Variants in RAPGEF5 observed in about 807,000 individuals in gnomAD.
The protein encoded by RAPGEF5 is Rap guanine nucleotide exchange factor 5.
In RAPGEF5, 65 loss-of-function variants were observed where a neutral mutation model predicts 125.2. That is an observed-to-expected ratio of 0.52 (90% confidence interval 0.43 to 0.64). The LOEUF is 0.64. RAPGEF5 is among the 30% of genes least tolerant of loss of function. RAPGEF5 has a pLI of 0.00. For missense variants in RAPGEF5, 958 were observed against 1,048.1 expected (o/e 0.91, Z 1.19); for synonymous variants, 391 against 385.9 (o/e 1.01, Z -0.16).
At chr7:22,322,863 G>A (rs1370256010) in intron 1 of RAPGEF5, among the ~76,000 whole-genome samples, 1 of 152,216 alleles carries the variant, frequency 6.6e-6, no homozygotes, top group Non-Finnish European at 1.5e-5. Context: ...GTGCAGCCAG[G>A]TTTCAGGAGA....
chr7:22,238,181 C>T (rs978087446), intron 7 of RAPGEF5, among the ~76,000 whole-genome samples: 7 of 152,078 alleles, frequency 4.6e-5, no homozygotes, highest in African/African-American at 1.7e-4. Context: ...CTCTTTGTGC[C>T]AACATTTGTT....
In RAPGEF5 at chr7:22,320,307, G is replaced by A. The variant is rs1381156301; in HGVS notation, c.232-2270C>T. Among the ~76,000 whole-genome samples the A allele has an allele frequency of 3.3e-5, 5 of 152,130 alleles. No individual in the cohort carries two copies. In the South Asian group the frequency reaches 6.2e-4, roughly 19 times the overall value. On this transcript the variant is annotated intron_variant, in intron 1 of 25. Transcript: ENST00000665637. ...AGCACTGACTCCCTAAACTTAAAAC[G>A]ATGATCATAACTGTACTTCCGCAGA...
intron 9 of RAPGEF5, among the ~76,000 whole-genome samples, chr7:22,206,181 T>G (rs962586095): frequency 2.0e-4 from 31 of 152,304 alleles, no homozygotes; most frequent in Admixed American, 5.2e-4. Context: ...TCTTAATTTA[T>G]TAGATGAGAA....
intron 1 of RAPGEF5, among the ~76,000 whole-genome samples, chr7:22,322,239 C>T (rs1783728623): frequency 6.6e-6 from 1 of 151,626 alleles, no homozygotes; most frequent in South Asian, 2.1e-4. Context: ...AGGCTCAATT[C>T]ATCCTCCCAC....
intron 9 of RAPGEF5, among the ~76,000 whole-genome samples, chr7:22,218,533 G>A (rs1032772090): frequency 5.9e-5 from 9 of 152,072 alleles, no homozygotes; most frequent in Non-Finnish European, 1.2e-4. Flanking sequence ...ACTATTGTGG[G>A]GGAAATGTGC....
intron 1 of RAPGEF5, among the ~76,000 whole-genome samples, chr7:22,332,861 T>C (rs1274751323): frequency 6.6e-6 from 1 of 152,206 alleles, no homozygotes; most frequent in Non-Finnish European, 1.5e-5. Context: ...AGCAACCCAC[T>C]ACAGGGTACA....
At chr7:22,214,655 G>A (rs980965303) in intron 9 of RAPGEF5, among the ~76,000 whole-genome samples, 1 of 152,180 alleles carries the variant, frequency 6.6e-6, no homozygotes, top group Non-Finnish European at 1.5e-5. Flanking sequence ...TTACGACTGG[G>A]CAAGCACCTT....
chr7:22,135,640 C>T (rs760004543), intron 23 of RAPGEF5, among the ~76,000 whole-genome samples: 5 of 152,276 alleles, frequency 3.3e-5, no homozygotes, highest in South Asian at 2.1e-4. Flanking sequence ...TTGTGGGCTG[C>T]GTCTCTTAAG....
intron 6 of RAPGEF5, 129 bp downstream of exon 6, chr7:22,291,046 C>T: frequency 1.9e-6 from 2 of 1,073,118 alleles, no homozygotes; most frequent in Non-Finnish European, 2.5e-6. Context: ...TGCCTTGCCT[C>T]ATACCTCCCA....
intron 12 of RAPGEF5, among the ~76,000 whole-genome samples, chr7:22,166,537 A>G (rs1044635047): frequency 3.3e-5 from 5 of 152,216 alleles, no homozygotes; most frequent in Admixed American, 6.5e-5. Flanking sequence ...CACATCCATC[A>G]TTCTCAGAGA....
chr7:22,343,390 A>G (rs899573892), intron 1 of RAPGEF5, among the ~76,000 whole-genome samples: 1 of 152,196 alleles, frequency 6.6e-6, no homozygotes, highest in Non-Finnish European at 1.5e-5. Flanking sequence ...ATTTTTCCTC[A>G]TAGAGAATTT....
intron 1 of RAPGEF5, among the ~76,000 whole-genome samples, chr7:22,332,930 T>G (rs1783949701): frequency 6.6e-6 from 1 of 152,196 alleles, no homozygotes; most frequent in African/African-American, 2.4e-5. Flanking sequence ...TTTCAAACTT[T>G]TTTTTACTGC....
In RAPGEF5 at chr7:22,343,122, C is replaced by A. The variant is rs116724873; in HGVS notation, c.231+13708G>T. Among the ~76,000 whole-genome samples the A allele has an allele frequency of 4.1e-3, 621 of 152,306 alleles. 4 individuals carry two copies. The highest frequency in any genetic ancestry group is 0.014 in the African/African-American group (583 of 41,574). On this transcript the variant is annotated intron_variant, in intron 1 of 25. Transcript: ENST00000665637. Reference sequence around the variant, plus strand: ...CGCATGGCTGGAGAGGCCTCACAATCACGGAGGAAGGTAAAATGCACGTCT... The same window carrying A: ...CGCATGGCTGGAGAGGCCTCACAATAACGGAGGAAGGTAAAATGCACGTCT...
chr7:22,122,210 G>A lies in RAPGEF5; in HGVS notation c.*196C>T. On this transcript the variant is annotated 3_prime_UTR_variant, in exon 26 of 26. Transcript: ENST00000665637. ...CTTCTGCCTTCTTGTCCCGAGAGTA[G>A]CATGGAGAAACCTCTCCCCCTCTCT... is the stretch of plus-strand genomic sequence containing the variant. 1 of 542,132 alleles carries A rather than the reference G, an allele frequency of 1.8e-6. No homozygotes were observed. The highest frequency in any genetic ancestry group is 2.4e-5 in the South Asian group (1 of 41,090). 33.6% of individuals were successfully genotyped at this position (542,132 alleles called of 1,614,324 possible). A position where few individuals can be genotyped will look rare whatever the true frequency, so the allele number is the denominator to read the frequency against.
At chr7:22,351,359 C>G (rs971608185) in intron 1 of RAPGEF5, among the ~76,000 whole-genome samples, 1 of 152,188 alleles carries the variant, frequency 6.6e-6, no homozygotes, top group African/African-American at 2.4e-5. Flanking sequence ...TTATTTACCT[C>G]TCTCAGAGTG....
intron 1 of RAPGEF5, among the ~76,000 whole-genome samples, chr7:22,321,754 C>T (rs1783718775): frequency 6.6e-6 from 1 of 152,202 alleles, no homozygotes; most frequent in Non-Finnish European, 1.5e-5. Flanking sequence ...AATAAATACA[C>T]TTGAATTTCT....
At chr7:22,141,363 G>A (rs1307289276) in intron 20 of RAPGEF5, among the ~76,000 whole-genome samples, 2 of 152,330 alleles carry the variant, frequency 1.3e-5, no homozygotes, top group Admixed American at 6.5e-5. Flanking sequence ...ACAAACCGCT[G>A]TCTCCTAAAG....
At chr7:22,263,499 A>G (rs894686489) in intron 7 of RAPGEF5, among the ~76,000 whole-genome samples, 1 of 152,092 alleles carries the variant, frequency 6.6e-6, no homozygotes, top group Non-Finnish European at 1.5e-5. Context: ...GGAGACAGAG[A>G]CGGGTGGATC....
intron 5 of RAPGEF5, among the ~76,000 whole-genome samples, chr7:22,304,311 TTAC>T (rs1783281555): frequency 2.0e-5 from 3 of 152,214 alleles, no homozygotes; most frequent in Non-Finnish European, 4.4e-5. Context: ...TATGAGTCAG[TTAC>T]TACTCCCAAA....
Sources: gnomAD v4.1 joint callset for allele counts (sites outside exome capture counted in the v4.1 genomes callset) on GRCh38, gnomAD v4.1.1 for gene constraint, MANE v1.5 for transcripts, NCBI Gene and HGNC (gene_info 2026-07-23, HGNC 2026-07-21) for gene names.